Variants in NPAS3 observed in about 807,000 individuals in gnomAD.
NPAS3 encodes neuronal PAS domain-containing protein 3.
Under a neutral mutation model 73.1 loss-of-function variants are expected in NPAS3, and 14 were observed. The observed-to-expected ratio is 0.19, with a 90% CI of 0.13 to 0.30. The LOEUF (loss-of-function observed/expected upper bound fraction) is 0.30, where lower values mean the gene tolerates loss of function less well. NPAS3 is among the 10% of genes least tolerant of loss of function. NPAS3 has a pLI of 1.00. For missense variants in NPAS3, 1,096 were observed against 1,250.0 expected, an observed-to-expected ratio of 0.88 and a Z score of 1.86; for synonymous variants, 620 against 541.5, an observed-to-expected ratio of 1.14 and a Z score of -2.01.
At chr14:33,375,191 T>C (rs1013988192) in intron 4 of NPAS3, among the ~76,000 whole-genome samples, 3 of 152,142 alleles carry the variant, frequency 2.0e-5, no homozygotes, top group Non-Finnish European at 4.4e-5. Flanking sequence ...GGGGAGAAAG[T>C]TGAGTGACCC....
chr14:33,447,756 A>G (rs2049586638), intron 4 of NPAS3, among the ~76,000 whole-genome samples: 1 of 152,152 alleles, frequency 6.6e-6, no homozygotes, highest in Non-Finnish European at 1.5e-5. Context: ...TCTACAAAAT[A>G]TAAAGAAAAT....
chr14:32,964,214 A>G (rs1168452111), intron 1 of NPAS3, among the ~76,000 whole-genome samples: 1 of 147,776 alleles, frequency 6.8e-6, no homozygotes, highest in Non-Finnish European at 1.5e-5. Flanking sequence ...AGTATTTGCT[A>G]TATGCATGCT....
At chr14:32,948,891 A>T (rs965498199) in intron 1 of NPAS3, among the ~76,000 whole-genome samples, 1 of 152,080 alleles carries the variant, frequency 6.6e-6, no homozygotes, top group Non-Finnish European at 1.5e-5. Context: ...ATCTAAAGGG[A>T]GCGGGGAGAG....
intron 5 of NPAS3, among the ~76,000 whole-genome samples, chr14:33,603,969 A>G (rs2057477086): frequency 6.6e-6 from 1 of 152,106 alleles, no homozygotes. Flanking sequence ...TTGAAGGCAG[A>G]CTGTGATAAG....
At chr14:33,405,419 A>G (rs1230995031) in intron 4 of NPAS3, among the ~76,000 whole-genome samples, 1 of 152,078 alleles carries the variant, frequency 6.6e-6, no homozygotes, top group East Asian at 1.9e-4. Flanking sequence ...ATTCAAGAGC[A>G]TTTCCTTCTC....
chr14:32,970,301 T>G (rs2037365316), intron 1 of NPAS3, among the ~76,000 whole-genome samples: 1 of 152,188 alleles, frequency 6.6e-6, no homozygotes, highest in African/African-American at 2.4e-5. Context: ...TGCCCTTAGT[T>G]GCTTTCATTA....
At chr14:33,263,783 C>T (rs149651018) in intron 3 of NPAS3, among the ~76,000 whole-genome samples, 4,687 of 152,060 alleles carry the variant, frequency 0.031, 196 homozygotes, top group East Asian at 0.21. Flanking sequence ...TGTTTGTATC[C>T]TCTTTTATTT....
chr14:32,957,529 G>A (rs544088320), intron 1 of NPAS3, among the ~76,000 whole-genome samples: 230 of 151,940 alleles, frequency 1.5e-3, no homozygotes, highest in African/African-American at 5.2e-3. Flanking sequence ...CCACCACCAC[G>A]CCCGGCTAAT....
chr14:33,108,627 A>C (rs2042795872), intron 2 of NPAS3, among the ~76,000 whole-genome samples: 1 of 152,318 alleles, frequency 6.6e-6, no homozygotes, highest in African/African-American at 2.4e-5. Context: ...GTACAAAATT[A>C]CAAGAACAAA....
intron 4 of NPAS3, among the ~76,000 whole-genome samples, chr14:33,512,415 C>T (rs892211798): frequency 1.3e-5 from 2 of 151,966 alleles, no homozygotes; most frequent in African/African-American, 4.8e-5. Flanking sequence ...TGATCTGAAA[C>T]AAGAAGAAGC....
intron 2 of NPAS3, among the ~76,000 whole-genome samples, chr14:33,178,037 A>T (rs1208111050): frequency 6.6e-6 from 1 of 151,428 alleles, no homozygotes; most frequent in Non-Finnish European, 1.5e-5. Flanking sequence ...CTCCAAGAGA[A>T]GGATGTTGGA....
intron 4 of NPAS3, among the ~76,000 whole-genome samples, chr14:33,471,853 T>C (rs1202235048): frequency 6.6e-6 from 1 of 152,202 alleles, no homozygotes; most frequent in African/African-American, 2.4e-5. Context: ...AAGCTTCATC[T>C]GTATTTACAG....
At chr14:33,285,094 A>G (rs894098657) in intron 3 of NPAS3, among the ~76,000 whole-genome samples, 12 of 152,222 alleles carry the variant, frequency 7.9e-5, no homozygotes, top group Non-Finnish European at 1.6e-4. Context: ...CATTCCTAGC[A>G]TAGTCATATG....
At chr14:33,027,387 T>G (rs567902181) in intron 1 of NPAS3, among the ~76,000 whole-genome samples, 1 of 152,340 alleles carries the variant, frequency 6.6e-6, no homozygotes, top group South Asian at 2.1e-4. Context: ...TTCCAGCCTT[T>G]TCTTTCTAAA....
At chr14:33,284,908 G>T (rs1208961124) in intron 3 of NPAS3, among the ~76,000 whole-genome samples, 1 of 152,068 alleles carries the variant, frequency 6.6e-6, no homozygotes, top group Non-Finnish European at 1.5e-5. Context: ...TACCCCGCCT[G>T]CAGTCCTGCA....
At chr14:32,997,662 C>T (rs11625401) in intron 1 of NPAS3, among the ~76,000 whole-genome samples, 23,096 of 151,642 alleles carry the variant, frequency 0.15, 1,915 homozygotes, top group African/African-American at 0.22. Context: ...CAGTGGCTCA[C>T]GCCTGTAATC....
intron 4 of NPAS3, among the ~76,000 whole-genome samples, chr14:33,530,622 A>C (rs1325347017): frequency 6.6e-6 from 1 of 152,084 alleles, no homozygotes; most frequent in Non-Finnish European, 1.5e-5. Flanking sequence ...TCAGCTTTTC[A>C]TTACTAAGAA....
At chr14:33,130,996 A>T (rs2043614835) in intron 2 of NPAS3, among the ~76,000 whole-genome samples, 1 of 152,132 alleles carries the variant, frequency 6.6e-6, no homozygotes. Flanking sequence ...TCTTAAAGAT[A>T]TACAGAGAAG....
chr14:33,764,496 T>A (rs2062397001), intron 7 of NPAS3, among the ~76,000 whole-genome samples: 1 of 152,222 alleles, frequency 6.6e-6, no homozygotes, highest in Non-Finnish European at 1.5e-5. Context: ...AGAAAATGCA[T>A]CAATGTAGTA....
Sources: allele counts gnomAD v4.1 joint callset (sites outside exome capture counted in the v4.1 genomes callset), GRCh38; gene constraint gnomAD v4.1.1; transcripts MANE v1.5; gene names NCBI Gene and HGNC (gene_info 2026-07-23, HGNC 2026-07-21).